Variants in ERG observed in about 807,000 individuals in gnomAD.
The protein encoded by ERG is transcriptional regulator ERG.
A neutral mutation model predicts 55.3 loss-of-function variants in ERG; 9 were observed. The ratio of observed to expected loss-of-function variants is 0.16; its 90% CI spans 0.10 to 0.28. The LOEUF (loss-of-function observed/expected upper bound fraction) is 0.28, where lower values mean the gene tolerates loss of function less well. Among genes scored for constraint, ERG ranks in the 10% least tolerant of loss-of-function variants. ERG has a pLI of 1.00. For synonymous variants in ERG, 223 were observed against 237.3 expected (o/e 0.94, Z 0.55); for missense variants, 434 against 631.6 (o/e 0.69, Z 3.35).
chr21:38,438,434 A>ATGAC (rs1279439325), intron 2 of ERG, among the ~76,000 whole-genome samples: 8 of 152,238 alleles, frequency 5.3e-5, no homozygotes, highest in African/African-American at 1.9e-4. Context: ...GAATGAATGA[A>ATGAC]TGACTCCACG....
chr21:38,600,431 C>T (rs1423297451), intron 1 of ERG, among the ~76,000 whole-genome samples: 1 of 152,178 alleles, frequency 6.6e-6, no homozygotes, highest in Non-Finnish European at 1.5e-5. Flanking sequence ...AGGACAGCTC[C>T]AGCCTAGTGT....
chr21:38,440,813 A>G (rs1237006956), intron 2 of ERG, among the ~76,000 whole-genome samples: 1 of 118,912 alleles, frequency 8.4e-6, no homozygotes, highest in Admixed American at 9.1e-5. Context: ...AAAAAAAAAA[A>G]GCCCACAGTG....
At chr21:38,468,761 G>A (rs1319744423) in intron 1 of ERG, among the ~76,000 whole-genome samples, 2 of 151,964 alleles carry the variant, frequency 1.3e-5, no homozygotes, top group Admixed American at 6.6e-5. Context: ...CGAGGCAGGC[G>A]GATCACGAGG....
chr21:38,414,159 A>G (rs1017594347), intron 3 of ERG, among the ~76,000 whole-genome samples: 53 of 152,150 alleles, frequency 3.5e-4, no homozygotes, highest in African/African-American at 1.2e-3. Flanking sequence ...TGAATGTTCC[A>G]TTGCTTGCAG....
At chr21:38,419,357 C>A (rs958948334) in intron 3 of ERG, among the ~76,000 whole-genome samples, 3 of 152,232 alleles carry the variant, frequency 2.0e-5, no homozygotes, top group Non-Finnish European at 4.4e-5. Context: ...TTCCTCCAGA[C>A]TCAGAATTAA....
chr21:38,444,644 A>C (rs1210123525), intron 2 of ERG, among the ~76,000 whole-genome samples: 1 of 151,776 alleles, frequency 6.6e-6, no homozygotes, highest in Non-Finnish European at 1.5e-5. Flanking sequence ...TTTACGTGAC[A>C]GTTGTATGTT....
At chr21:38,367,611 T>C in the ERG span, 1 of 525,190 alleles carries the variant, frequency 1.9e-6, no homozygotes, top group Non-Finnish European at 3.7e-6. Context: ...TCACATCTGC[T>C]ATATTCTATT....
At chr21:38,466,196 A>G (rs767537602) in intron 1 of ERG, among the ~76,000 whole-genome samples, 47 of 152,056 alleles carry the variant, frequency 3.1e-4, no homozygotes, top group Non-Finnish European at 5.9e-4. Flanking sequence ...GTTGTTGTCC[A>G]TGTATCAGCA....
intron 1 of ERG, among the ~76,000 whole-genome samples, chr21:38,629,258 T>G (rs970792445): frequency 6.6e-6 from 1 of 152,226 alleles, no homozygotes; most frequent in African/African-American, 2.4e-5. Flanking sequence ...CCATTCTCTC[T>G]GCTCCTAAAC....
chr21:38,559,908 C>T (rs955783873), intron 2 of ERG, among the ~76,000 whole-genome samples: 10 of 152,168 alleles, frequency 6.6e-5, no homozygotes, highest in African/African-American at 2.4e-4. Flanking sequence ...GCCTCGAACT[C>T]CTGACCTCAG....
At chr21:38,645,600 T>A (rs1409362875) in intron 1 of ERG, among the ~76,000 whole-genome samples, 2 of 152,172 alleles carry the variant, frequency 1.3e-5, no homozygotes, top group Non-Finnish European at 2.9e-5. Flanking sequence ...CACCACTGAC[T>A]CAAACTAACT....
rs1435668985 is a variant in ERG at position 38,423,017 on chromosome 21, G to A, written c.388+393C>T. 2.0e-5 allele frequency among the ~76,000 whole-genome samples: 3 copies of A among 152,096 alleles called. No homozygotes were observed. In the East Asian group the frequency reaches 5.8e-4, roughly 29 times the overall value. The stretch of plus-strand genomic sequence containing the variant: ...GACATATACACACGTGTGCATATGT[G>A]TGTGCACACAAGCAAGGCTGCATGT... On this transcript the variant is annotated intron_variant, in intron 3 of 9. Transcript: ENST00000288319.
At chr21:38,653,743 C>A (rs914462408) in intron 1 of ERG, among the ~76,000 whole-genome samples, 1 of 152,216 alleles carries the variant, frequency 6.6e-6, no homozygotes, top group Non-Finnish European at 1.5e-5. Flanking sequence ...AATCTCTAGA[C>A]GTGTCCCGTG....
intron 2 of ERG, among the ~76,000 whole-genome samples, chr21:38,516,280 A>G (rs2059550935): frequency 6.6e-6 from 1 of 152,044 alleles, no homozygotes; most frequent in East Asian, 1.9e-4. Context: ...AATTCAGTAA[A>G]GTTGCAGGAT....
At chr21:38,569,901 C>G (rs1049033636) in intron 2 of ERG, among the ~76,000 whole-genome samples, 25 of 152,196 alleles carry the variant, frequency 1.6e-4, no homozygotes. Flanking sequence ...CACACTGATA[C>G]ATGGCTACAG....
intron 2 of ERG, among the ~76,000 whole-genome samples, chr21:38,511,281 A>G (rs1437444631): frequency 6.6e-6 from 1 of 152,238 alleles, no homozygotes; most frequent in Non-Finnish European, 1.5e-5. Flanking sequence ...AAGAGGAACT[A>G]CTTTAACATA....
At chr21:38,374,166 C>T in the ERG span, among the ~76,000 whole-genome samples, 2 of 152,212 alleles carry the variant, frequency 1.3e-5, no homozygotes, top group Non-Finnish European at 2.9e-5. Flanking sequence ...CTCTCTTGTG[C>T]TCCAACCCTT....
chr21:38,632,502 AGTGGGAG>A, intron 1 of ERG, among the ~76,000 whole-genome samples: 1 of 152,302 alleles, frequency 6.6e-6, no homozygotes, highest in African/African-American at 2.4e-5. Flanking sequence ...GGAGGGACCC[AGTGGGAG>A]GTAATTGAAT....
intron 1 of ERG, among the ~76,000 whole-genome samples, chr21:38,654,182 A>T (rs2060504788): frequency 6.6e-6 from 1 of 152,278 alleles, no homozygotes; most frequent in Non-Finnish European, 1.5e-5. Flanking sequence ...TTTCATCTAT[A>T]AAATCCTTTT....
Sources: allele counts gnomAD v4.1 joint callset (sites outside exome capture counted in the v4.1 genomes callset), GRCh38; gene constraint gnomAD v4.1.1; transcripts MANE v1.5; gene names NCBI Gene and HGNC (gene_info 2026-07-23, HGNC 2026-07-21).